Variants in TRPC1 observed in about 807,000 individuals in gnomAD.
The protein encoded by TRPC1 is transient receptor potential cation channel subfamily C member 1, also known as short transient receptor potential channel 1.
TRPC1 carries 42 observed loss-of-function variants against 88.2 expected under a neutral mutation model. The ratio of observed to expected loss-of-function variants is 0.48; its 90% CI spans 0.37 to 0.62. TRPC1 has a LOEUF of 0.62. Ranked by LOEUF, TRPC1 falls within the 20% of genes least tolerant of loss-of-function variation. The pLI is 0.00. For synonymous variants in TRPC1, 288 were observed against 331.8 expected, an observed-to-expected ratio of 0.87 and a Z score of 1.43; for missense variants, 699 against 957.3, an observed-to-expected ratio of 0.73 and a Z score of 3.56.
intron 4 of TRPC1, among the ~76,000 whole-genome samples, chr3:142,773,918 C>T (rs903140847): frequency 6.6e-6 from 1 of 151,558 alleles, no homozygotes; most frequent in African/African-American, 2.4e-5. Context: ...ATTATAGCAA[C>T]TCTGCATACT....
intron 4 of TRPC1, among the ~76,000 whole-genome samples, chr3:142,774,482 C>T (rs1356987518): frequency 6.6e-6 from 1 of 152,192 alleles, no homozygotes; most frequent in Non-Finnish European, 1.5e-5. Context: ...TTTTGCCTCT[C>T]ATTGAATTGA....
intron 1 of TRPC1, among the ~76,000 whole-genome samples, chr3:142,725,278 G>A (rs901073924): frequency 1.3e-5 from 2 of 152,168 alleles, no homozygotes; most frequent in African/African-American, 4.8e-5. Context: ...ATTAATAACG[G>A]AATATCCTAG....
chr3:142,786,357 T>C (rs1027171314), intron 7 of TRPC1, among the ~76,000 whole-genome samples: 1 of 152,176 alleles, frequency 6.6e-6, no homozygotes, highest in African/African-American at 2.4e-5. Context: ...ACAAATACTT[T>C]TTATATTTTA....
At chr3:142,746,306 A>G (rs1172011285) in intron 3 of TRPC1, among the ~76,000 whole-genome samples, 4 of 152,106 alleles carry the variant, frequency 2.6e-5, no homozygotes, top group African/African-American at 9.7e-5. Context: ...TGAACAATGG[A>G]ATTATGAACT....
rs865804305 is a variant in TRPC1, at chr3:142,780,852, A to G, written c.783A>G (p.Leu261=). The G allele has an allele frequency of 6.2e-7, 1 of 1,610,156 alleles. No homozygotes were observed. Among genetic ancestry groups the G allele is most frequent in the Middle Eastern group, 1.7e-4 (1 of 6,040 alleles). ...EVEFRNDYEE[L]ARQCKMFAKD... ...TTTATAGGAATGATTATGAGGAACTAGCCCGGCAATGTAAAATGTTTGCTA... is the reference window on the plus strand; with the variant it reads ...TTTATAGGAATGATTATGAGGAACTGGCCCGGCAATGTAAAATGTTTGCTA... Residue 261 remains leucine, a synonymous_variant, in exon 6 of 13, where the codon CTA becomes CTG. Transcript: ENST00000476941.
intron 9 of TRPC1, chr3:142,793,702 A>T: frequency 2.6e-6 from 1 of 378,024 alleles, no homozygotes; most frequent in Non-Finnish European, 3.6e-6. Context: ...AGCTCTATGT[A>T]ATACTATAGC....
At chr3:142,737,124 G>T (rs547274243) in intron 2 of TRPC1, among the ~76,000 whole-genome samples, 1 of 152,042 alleles carries the variant, frequency 6.6e-6, no homozygotes, top group Admixed American at 6.5e-5. Context: ...AGTCTTGAAT[G>T]AATTCAGTCT....
intron 2 of TRPC1, among the ~76,000 whole-genome samples, chr3:142,741,598 C>T (rs1479789348): frequency 6.6e-6 from 1 of 152,116 alleles, no homozygotes; most frequent in African/African-American, 2.4e-5. Flanking sequence ...CTTCCTTTCC[C>T]TCTACGCTGT....
At chr3:142,793,842 A>T in intron 9 of TRPC1, 2 of 984,536 alleles carry the variant, frequency 2.0e-6, no homozygotes, top group Non-Finnish European at 2.4e-6. Flanking sequence ...CCAAACAGGG[A>T]TATGAAAATA....
At chr3:142,753,018 G>A (rs906022798) in intron 4 of TRPC1, among the ~76,000 whole-genome samples, 3 of 152,112 alleles carry the variant, frequency 2.0e-5, no homozygotes, top group African/African-American at 4.8e-5. Flanking sequence ...AGTCTCTTAC[G>A]TCTTTCCTTT....
intron 2 of TRPC1, among the ~76,000 whole-genome samples, chr3:142,738,207 A>G (rs1394673270): frequency 6.6e-6 from 1 of 152,208 alleles, no homozygotes; most frequent in Non-Finnish European, 1.5e-5. Flanking sequence ...GGACAAGACA[A>G]AGATTTAAAT....
At chr3:142,805,203 AT>A (rs112989705) in intron 12 of TRPC1, among the ~76,000 whole-genome samples, 24 of 146,966 alleles carry the variant, frequency 1.6e-4, no homozygotes, top group East Asian at 5.9e-4. Flanking sequence ...TAGTACTGAG[AT>A]TTTTTTTTTT....
chr3:142,775,279 T>C lies in TRPC1; in HGVS notation c.633-2353T>C, dbSNP rs140617985. ...TCAATAAACTTGTTTAAATGAAGAT[T>C]TGGAATTTCCGTATAGAAAAATTCA... On this transcript the variant is annotated intron_variant, in intron 4 of 12. Transcript: ENST00000476941. Among the ~76,000 whole-genome samples, 860 of 152,304 alleles carry C rather than the reference T, an allele frequency of 5.6e-3. 12 individuals are homozygous for C. The highest frequency in any genetic ancestry group is 0.02 in the African/African-American group (820 of 41,564).
intron 5 of TRPC1, among the ~76,000 whole-genome samples, chr3:142,779,795 T>TA (rs1935901197): frequency 6.6e-6 from 1 of 151,586 alleles, no homozygotes; most frequent in Non-Finnish European, 1.5e-5. Flanking sequence ...CTATGACTCA[T>TA]AATTATTTAT....
intron 2 of TRPC1, among the ~76,000 whole-genome samples, chr3:142,742,464 C>G (rs893355993): frequency 1.3e-5 from 2 of 151,918 alleles, no homozygotes; most frequent in African/African-American, 4.8e-5. Context: ...GGTGCATAGT[C>G]CTATTTTTAG....
intron 7 of TRPC1, among the ~76,000 whole-genome samples, chr3:142,788,449 T>G (rs1348622060): frequency 6.6e-6 from 1 of 152,160 alleles, no homozygotes; most frequent in Non-Finnish European, 1.5e-5. Flanking sequence ...GGAAGAGTAC[T>G]AGGCTTGGGG....
chr3:142,804,310 A>T, intron 11 of TRPC1, 126 bp from the exon 12 acceptor site: 2 of 1,161,510 alleles, frequency 1.7e-6, no homozygotes, highest in Non-Finnish European at 2.3e-6. Context: ...ATAGATTTTT[A>T]AAATGTAAGT....
rs775658869 is a variant in TRPC1, at chr3:142,724,716, C to G, written c.157C>G (p.Leu53Val). 1 of 1,592,942 alleles carries G rather than the reference C, an allele frequency of 6.3e-7. No homozygotes were observed. Among genetic ancestry groups the G allele is most frequent in the Non-Finnish European group, 8.6e-7 (1 of 1,167,170 alleles). ...TACGCTGAATGAGAAGCTTTTCTTGCTGGCGTGCGACAAGGGTGAGAGTTA... is the reference window on the plus strand; with the variant it reads ...TACGCTGAATGAGAAGCTTTTCTTGGTGGCGTGCGACAAGGGTGAGAGTTA... ...ENTLNEKLFL[L>V]ACDKGDYYMV... Residue 53 changes from leucine to valine, a missense_variant, in exon 1 of 13, where the codon CTG becomes GTG. Coordinates refer to ENST00000476941, the MANE Select transcript of TRPC1 (RefSeq NM_001251845.2). The surrounding 1 kb of genome is among the most constrained non-coding windows in gnomAD (Gnocchi z 5.6).
chr3:142,737,858 C>G lies in TRPC1; in HGVS notation c.327+1325C>G, dbSNP rs192391363. Reference sequence around the variant, plus strand: ...GTATATATGTGTGTTTGTGTATGTGCGTTTGTGTGTTTATAAGACACAAAA... The same window carrying G: ...GTATATATGTGTGTTTGTGTATGTGGGTTTGTGTGTTTATAAGACACAAAA... On this transcript the variant is annotated intron_variant, in intron 2 of 12. Transcript: ENST00000476941. 9.3e-3 allele frequency among the ~76,000 whole-genome samples: 1,421 copies of G among 152,010 alleles called. 13 individuals carry two copies. The highest frequency in any genetic ancestry group is 0.033 in the South Asian group (160 of 4,812).
Sources: gnomAD v4.1 joint callset for allele counts (sites outside exome capture counted in the v4.1 genomes callset) on GRCh38, gnomAD v4.1.1 for gene constraint, Gnocchi (gnomAD v3.1) non-coding constraint, MANE v1.5 for transcripts, NCBI Gene and HGNC (gene_info 2026-07-23, HGNC 2026-07-21) for gene names.